Variants in RNF208 observed in about 807,000 individuals in gnomAD.
RNF208 encodes the protein ring finger protein 208.
In RNF208, 7 loss-of-function variants were observed where a neutral mutation model predicts 15.2. The ratio of observed to expected loss-of-function variants is 0.46; its 90% CI spans 0.26 to 0.86. The LOEUF is 0.86. RNF208 is among the 40% of genes least tolerant of loss of function. The pLI, the probability that RNF208 is intolerant of heterozygous loss-of-function variation, is 0.16. For missense variants in RNF208, 342 were observed against 364.1 expected (o/e 0.94, Z 0.49); for synonymous variants, 211 against 163.2 (o/e 1.29, Z -2.23).
At position 137,220,809 on chromosome 9, in the gene RNF208, G is replaced by A. The variant is rs773656738; in HGVS notation, c.404C>T (p.Ala135Val). The A allele has an allele frequency of 3.2e-5, 52 of 1,607,778 alleles. No individual in the cohort carries two copies. The East Asian group carries it at 4.2e-4, about 13-fold the overall frequency. ...GCACTCCAGGGGCTCGCCTGCCGCC[G>A]CCGAAGAAGCCGCCGAGGCCGAGGG... ...PGPSASAASS[A>V]AAGEPLECPT... The change falls in exon 2 of 2, where the codon GCG becomes GTG. Residue 135 changes from alanine to valine, a missense_variant. Around this residue, in one of 3 missense-constraint regions of RNF208, gnomAD observed 207 missense variants for 193.7 expected, o/e 1.07. Transcript: ENST00000391553.
intron 1 of RNF208, among the ~76,000 whole-genome samples, 22 bp downstream of exon 1, chr9:137,221,967 G>A (rs1835877948): frequency 6.6e-6 from 1 of 151,818 alleles, no homozygotes; most frequent in Non-Finnish European, 1.5e-5. Flanking sequence ...GTCCGCCCCC[G>A]GCCCCCGCCC....
rs1183869428 is a variant in RNF208 at position 137,221,115 on chromosome 9, A to G, written c.98T>C (p.Met33Thr). ...GPHVILKMEA[M>T]KIVHPEKFPE... ...GAACTTTTCAGGGTGGACAATCTTCATGGCCTCCATCTTGAGGATGACATG... is the reference window on the plus strand; with the variant it reads ...GAACTTTTCAGGGTGGACAATCTTCGTGGCCTCCATCTTGAGGATGACATG... The change falls in exon 2 of 2, where the codon ATG becomes ACG. Residue 33 changes from methionine to threonine, a missense_variant. Physicochemically the swap from Met to Thr is moderately conservative, Grantham distance 81. Around this residue, in one of 3 missense-constraint regions of RNF208, gnomAD observed 207 missense variants for 193.7 expected, o/e 1.07. Transcript: ENST00000391553. The G allele has an allele frequency of 3.1e-6, 5 of 1,604,732 alleles. No individual in the cohort carries two copies. The African/African-American group carries it at 5.4e-5, about 17-fold the overall frequency.
intron 1 of RNF208, among the ~76,000 whole-genome samples, 36 bp from the exon 2 acceptor site, chr9:137,221,774 G>A (rs1244456375): frequency 2.6e-5 from 4 of 152,104 alleles, no homozygotes; most frequent in Non-Finnish European, 5.9e-5. Context: ...CAGTGCCCCG[G>A]CCACCCCCAC....
At chr9:137,222,829 G>A (rs1040857319), upstream of RNF208, among the ~76,000 whole-genome samples, 6 of 152,154 alleles carry the variant, frequency 3.9e-5, no homozygotes, top group African/African-American at 1.4e-4. Flanking sequence ...GCACCTGCCC[G>A]GACAGGGTGG....
In RNF208 at chr9:137,221,108, A is replaced by C; in HGVS notation, c.105T>G (p.Ile35Met). Reference protein sequence around the residue: ...HVILKMEAMKIVHPEKFPELP... With the variant: ...HVILKMEAMKMVHPEKFPELP... ...GCTCAGGGAACTTTTCAGGGTGGACAATCTTCATGGCCTCCATCTTGAGGA... is the reference window on the plus strand; with the variant it reads ...GCTCAGGGAACTTTTCAGGGTGGACCATCTTCATGGCCTCCATCTTGAGGA... The change falls in exon 2 of 2, where the codon ATT becomes ATG. Residue 35 changes from isoleucine to methionine, a missense_variant. Coordinates refer to ENST00000391553, the MANE Select transcript of RNF208 (RefSeq NM_031297.7). 6.2e-7 allele frequency: 1 copy of C among 1,605,848 alleles called. No homozygotes were observed. Among genetic ancestry groups the C allele is most frequent in the South Asian group, 1.1e-5 (1 of 89,950 alleles).
At position 137,221,259 on chromosome 9, in the gene RNF208, GT is replaced by G; in HGVS notation, c.-48del. ...GGATGTTCGGGTGGGTGGGGGCGTT[GT>G]GTGGGGCTGGGGGGCAGGTGACAGG... On this transcript the variant is annotated 5_prime_UTR_variant, in exon 2 of 2. The change abolishes the stop of an existing upstream ORF in the 5' untranslated region. Transcript: ENST00000391553. 8.8e-7 allele frequency: 1 copy of G among 1,138,730 alleles called. No individual in the cohort carries two copies. The highest frequency in any genetic ancestry group is 1.2e-6 in the Non-Finnish European group (1 of 853,020). 70.5% of individuals were successfully genotyped at this position (1,138,730 alleles called of 1,614,324 possible). A position where few individuals can be genotyped will look rare whatever the true frequency, so the allele number is the denominator to read the frequency against.
upstream of RNF208, among the ~76,000 whole-genome samples, chr9:137,223,257 T>TGC (rs1034920762): frequency 6.6e-5 from 10 of 152,104 alleles, no homozygotes; most frequent in Non-Finnish European, 1.3e-4. Context: ...GGGAGAGGTG[T>TGC]GCGGGTGACA....
rs746537177 is a variant in RNF208, at chr9:137,220,391, G to A, written c.*36C>T. On this transcript the variant is annotated 3_prime_UTR_variant, in exon 2 of 2. Coordinates refer to ENST00000391553, the MANE Select transcript of RNF208 (RefSeq NM_031297.7). ...CCGGGTCCCTGAAGAAGCAGCGAGC[G>A]AGGCTCAGCGGGCAGTGGCGGGCAG... 2.6e-5 allele frequency: 40 copies of A among 1,524,854 alleles called. No homozygotes were observed. The highest frequency in any genetic ancestry group is 1.2e-4 in the Admixed American group (6 of 51,032). 94.5% of individuals were successfully genotyped at this position (1,524,854 alleles called of 1,614,324 possible).
In RNF208 at chr9:137,221,330, C is replaced by T. The variant is rs947139468; in HGVS notation, c.-118G>A. On this transcript the variant is annotated 5_prime_UTR_variant, in exon 2 of 2. Transcript: ENST00000391553. ...AGGCCTGGGGGGGGCCCCGGACGGC[C>T]CGTGGACTCCTAGGGACAGCCGGCG... 5 of 696,532 alleles carry T rather than the reference C, an allele frequency of 7.2e-6. No homozygotes were observed. Among genetic ancestry groups the T allele is most frequent in the Non-Finnish European group, 1.1e-5 (5 of 443,890 alleles). The allele number at this position is 696,532 out of a possible 1,614,324, so 43.1% of individuals were successfully genotyped here. A position where few individuals can be genotyped will look rare whatever the true frequency, so the allele number is the denominator to read the frequency against.
At chr9:137,222,664 G>A (rs1323481530), upstream of RNF208, among the ~76,000 whole-genome samples, 2 of 152,244 alleles carry the variant, frequency 1.3e-5, no homozygotes, top group Non-Finnish European at 2.9e-5. Flanking sequence ...TGTGCCCGGT[G>A]CCGTAGCTCA....
chr9:137,223,074 G>A (rs1835897232), upstream of RNF208, among the ~76,000 whole-genome samples: 1 of 152,250 alleles, frequency 6.6e-6, no homozygotes, highest in African/African-American at 2.4e-5. Flanking sequence ...TGGCCAGACC[G>A]CACCTGCTCT....
chr9:137,221,593 C>A lies in RNF208; in HGVS notation c.-381G>T. 1 of 181,174 alleles carries A rather than the reference C, an allele frequency of 5.5e-6. No homozygotes were observed. 11.2% of individuals were successfully genotyped at this position (181,174 alleles called of 1,614,324 possible). A position where few individuals can be genotyped will look rare whatever the true frequency, so the allele number is the denominator to read the frequency against. On this transcript the variant is annotated 5_prime_UTR_variant, in exon 2 of 2. The change abolishes an upstream ATG in the 5' untranslated region. Coordinates refer to ENST00000391553, the MANE Select transcript of RNF208 (RefSeq NM_031297.7). ...GAGGTCAGCAGGCCGCGGGCCGGGA[C>A]ATCGGGGCAGGCAGGGGCTGGGTGG...
At position 137,220,277 on chromosome 9, in the gene RNF208, T is replaced by C; in HGVS notation, c.*150A>G. On this transcript the variant is annotated 3_prime_UTR_variant, in exon 2 of 2. Transcript: ENST00000391553. ...TGCAAACTTTGGCAAAGAGTTTTAA[T>C]GGCAAAGTTGGCTGCAGCGACAATG... 1.2e-6 allele frequency: 1 copy of C among 862,712 alleles called. No homozygotes were observed. The highest frequency in any genetic ancestry group is 1.8e-5 in the South Asian group (1 of 55,970). 53.4% of individuals were successfully genotyped at this position (862,712 alleles called of 1,614,324 possible). A position where few individuals can be genotyped will look rare whatever the true frequency, so the allele number is the denominator to read the frequency against.
chr9:137,222,395 G>T (rs1835885361), upstream of RNF208, among the ~76,000 whole-genome samples: 2 of 151,758 alleles, frequency 1.3e-5, no homozygotes, highest in African/African-American at 2.4e-5. Context: ...CGCGGACTGC[G>T]TGGGGGGCAG....
chr9:137,221,927 C>G (rs1012521811), intron 1 of RNF208, among the ~76,000 whole-genome samples, 62 bp downstream of exon 1: 1 of 152,042 alleles, frequency 6.6e-6, no homozygotes, highest in African/African-American at 2.4e-5. Context: ...TCCCGAGGGC[C>G]GACCCCCGTC....
intron 1 of RNF208, among the ~76,000 whole-genome samples, 45 bp downstream of exon 1, chr9:137,221,944 G>A (rs1835877352): frequency 6.6e-6 from 1 of 152,018 alleles, no homozygotes; most frequent in Admixed American, 6.5e-5. Context: ...CGTCGCGTGG[G>A]GAGGGGCGCT....
upstream of RNF208, among the ~76,000 whole-genome samples, chr9:137,223,174 A>G (rs1835899671): frequency 6.6e-6 from 1 of 152,150 alleles, no homozygotes; most frequent in Non-Finnish European, 1.5e-5. Context: ...AGGCTGGAGG[A>G]GCAGCCCTGC....
At position 137,221,259 on chromosome 9, in the gene RNF208, G is replaced by T; in HGVS notation, c.-47C>A. The T allele has an allele frequency of 1.8e-6, 2 of 1,138,720 alleles. No individual in the cohort carries two copies. The highest frequency in any genetic ancestry group is 2.3e-6 in the Non-Finnish European group (2 of 853,008). The allele number at this position is 1,138,720 out of a possible 1,614,324, so 70.5% of individuals were successfully genotyped here. A position where few individuals can be genotyped will look rare whatever the true frequency, so the allele number is the denominator to read the frequency against. Reference sequence around the variant, plus strand: ...GGATGTTCGGGTGGGTGGGGGCGTTGTGTGGGGCTGGGGGGCAGGTGACAG... The same window carrying T: ...GGATGTTCGGGTGGGTGGGGGCGTTTTGTGGGGCTGGGGGGCAGGTGACAG... On this transcript the variant is annotated 5_prime_UTR_variant, in exon 2 of 2. Coordinates refer to ENST00000391553, the MANE Select transcript of RNF208 (RefSeq NM_031297.7).
rs1835880732 is a variant in RNF208, at chr9:137,222,160, C to T, written c.-698G>A. Among the ~76,000 whole-genome samples, 1 of 146,094 alleles carries T rather than the reference C, an allele frequency of 6.8e-6. No homozygotes were observed. Among genetic ancestry groups the T allele is most frequent in the South Asian group, 2.1e-4 (1 of 4,810 alleles). On this transcript the variant is annotated 5_prime_UTR_variant, in exon 1 of 2. Transcript: ENST00000391553. ...GGGGCCCGGGCGGCACCGAGGGGCG[C>T]GGGCGCGGGCGTGGGGCGCGGGGCG...
Sources: gnomAD v4.1 joint callset for allele counts (sites outside exome capture counted in the v4.1 genomes callset) on GRCh38, gnomAD v4.1.1 for gene constraint, gnomAD v4.1.1 regional missense constraint, MANE v1.5 for transcripts, NCBI Gene and HGNC (gene_info 2026-07-23, HGNC 2026-07-21) for gene names.